Variants in LDLRAD4 observed in about 807,000 individuals in gnomAD.
LDLRAD4 encodes the protein low-density lipoprotein receptor class A domain-containing protein 4.
A neutral mutation model predicts 17.0 loss-of-function variants in LDLRAD4; 5 were observed. The observed-to-expected ratio is 0.29, with a 90% CI of 0.15 to 0.62. The LOEUF (loss-of-function observed/expected upper bound fraction) is 0.62. LDLRAD4 is among the 20% of genes least tolerant of loss of function. The pLI is 0.84. For missense variants in LDLRAD4, 340 were observed against 424.7 expected, an observed-to-expected ratio of 0.80 and a Z score of 1.75; for synonymous variants, 168 against 171.8, an observed-to-expected ratio of 0.98 and a Z score of 0.17.
At chr18:13,248,257 G>A (rs534733606) in intron 1 of LDLRAD4, among the ~76,000 whole-genome samples, 3 of 152,340 alleles carry the variant, frequency 2.0e-5, no homozygotes, top group East Asian at 1.9e-4. Context: ...CACCGCGCCC[G>A]GCCATAGCCC....
At chr18:13,471,463 G>A (rs2146760582) in intron 3 of LDLRAD4, 1 of 152,424 alleles carries the variant, frequency 6.6e-6, no homozygotes, top group East Asian at 1.9e-4. Context: ...GGAAGAAAAG[G>A]CCCAGGCACT....
intron 1 of LDLRAD4, among the ~76,000 whole-genome samples, chr18:13,258,960 C>T (rs530369640): frequency 1.1e-4 from 17 of 152,166 alleles, no homozygotes; most frequent in Non-Finnish European, 2.1e-4. Flanking sequence ...CAACTTCCGA[C>T]CAGCATGATG....
At chr18:13,550,106 G>C (rs1411255557) in intron 3 of LDLRAD4, among the ~76,000 whole-genome samples, 8 of 152,204 alleles carry the variant, frequency 5.3e-5, no homozygotes, top group African/African-American at 1.9e-4. Flanking sequence ...TCTACAAGGG[G>C]GCAATGGGCT....
intron 1 of LDLRAD4, among the ~76,000 whole-genome samples, chr18:13,306,370 G>C (rs988667179): frequency 6.6e-6 from 1 of 152,222 alleles, no homozygotes; most frequent in African/African-American, 2.4e-5. Context: ...TTTTGTCCCT[G>C]AAGTCAGGAA....
rs1209905344 is a variant in LDLRAD4, at chr18:13,621,112, G to A, written c.182-5G>A. On this transcript the variant is annotated splice_region_variant and splice_polypyrimidine_tract_variant and intron_variant, in intron 3 of 5. Coordinates refer to ENST00000359446, the Ensembl canonical transcript of LDLRAD4. The surrounding 1 kb of genome is among the most constrained non-coding windows in gnomAD (Gnocchi z 5.5). Reference sequence around the variant, plus strand: ...GTGGCTAACCACTCTCCTCTTCCATGGCAGCGGAGCTGGAGTTCGCCCAAA... The same window carrying A: ...GTGGCTAACCACTCTCCTCTTCCATAGCAGCGGAGCTGGAGTTCGCCCAAA... 6.2e-7 allele frequency: 1 copy of A among 1,614,208 alleles called. No individual in the cohort carries two copies. Among genetic ancestry groups the A allele is most frequent in the Non-Finnish European group, 8.5e-7 (1 of 1,180,036 alleles).
chr18:13,348,777 G>A (rs567666518), intron 1 of LDLRAD4, among the ~76,000 whole-genome samples: 5 of 152,280 alleles, frequency 3.3e-5, no homozygotes, highest in Middle Eastern at 3.4e-3. Flanking sequence ...AATGGCGGGC[G>A]CCCCTCCCCT....
chr18:13,635,749 A>G (rs2042019512), intron 4 of LDLRAD4, among the ~76,000 whole-genome samples: 1 of 152,248 alleles, frequency 6.6e-6, no homozygotes, highest in South Asian at 2.1e-4. Flanking sequence ...AGATATAGGA[A>G]TAATAAGTCT....
intron 2 of LDLRAD4, among the ~76,000 whole-genome samples, chr18:13,411,306 A>C (rs1023037426): frequency 5.3e-5 from 8 of 150,996 alleles, no homozygotes; most frequent in African/African-American, 1.9e-4. Flanking sequence ...TAAGAGCAAA[A>C]TCATCTTTTG....
chr18:13,450,110 A>G (rs545128581), intron 3 of LDLRAD4, among the ~76,000 whole-genome samples: 1 of 152,290 alleles, frequency 6.6e-6, no homozygotes, highest in East Asian at 1.9e-4. Flanking sequence ...GGTTGGCATG[A>G]ACCCAGAATT....
At chr18:13,348,924 C>A (rs147146834) in intron 1 of LDLRAD4, among the ~76,000 whole-genome samples, 2 of 152,184 alleles carry the variant, frequency 1.3e-5, no homozygotes, top group Non-Finnish European at 2.9e-5. Flanking sequence ...ATTGGAAAAG[C>A]GCAGCATTAG....
intron 1 of LDLRAD4, among the ~76,000 whole-genome samples, chr18:13,369,941 C>T (rs7230215): frequency 0.36 from 55,475 of 152,068 alleles, 10,071 homozygotes; most frequent in South Asian, 0.46. Context: ...CACCCAGGAG[C>T]GAGCCGTGGC....
At chr18:13,437,028 C>T (rs12232685) in intron 2 of LDLRAD4, among the ~76,000 whole-genome samples, 7,474 of 152,338 alleles carry the variant, frequency 0.049, 482 homozygotes, top group East Asian at 0.23. Context: ...GGCCACAGTT[C>T]GCCGCTGAGA....
intron 3 of LDLRAD4, among the ~76,000 whole-genome samples, chr18:13,552,161 G>A (rs900024709): frequency 2.0e-5 from 3 of 152,174 alleles, no homozygotes; most frequent in African/African-American, 7.2e-5. Context: ...TATCAGTAGT[G>A]TGAACAATGT....
At chr18:13,315,080 C>T (rs1430238185) in intron 1 of LDLRAD4, among the ~76,000 whole-genome samples, 1 of 152,112 alleles carries the variant, frequency 6.6e-6, no homozygotes, top group Non-Finnish European at 1.5e-5. Context: ...GGAGGAGGAG[C>T]CCTGGAAAGC....
intron 3 of LDLRAD4, among the ~76,000 whole-genome samples, chr18:13,442,607 G>T (rs1471571734): frequency 6.6e-6 from 1 of 152,224 alleles, no homozygotes; most frequent in Non-Finnish European, 1.5e-5. Flanking sequence ...CCACCTGCTG[G>T]CCGGCCGGCT....
At chr18:13,390,874 T>A (rs1568089391) in intron 2 of LDLRAD4, among the ~76,000 whole-genome samples, 2 of 152,160 alleles carry the variant, frequency 1.3e-5, no homozygotes. Flanking sequence ...TGGAGCTGGG[T>A]CCCTGGAGAC....
intron 3 of LDLRAD4, among the ~76,000 whole-genome samples, chr18:13,567,183 C>T (rs1017962854): frequency 6.6e-5 from 10 of 152,218 alleles, no homozygotes; most frequent in African/African-American, 2.4e-4. Context: ...ACTAGTTTAA[C>T]TATGACGTGC....
chr18:13,641,302 TAGAGAG>T (rs550262493), intron 4 of LDLRAD4, among the ~76,000 whole-genome samples: 4 of 151,212 alleles, frequency 2.6e-5, no homozygotes, highest in African/African-American at 9.7e-5. Context: ...GATAGGTAAA[TAGAGAG>T]AGAGAGAGAT....
At chr18:13,629,329 G>A (rs1030167945) in intron 4 of LDLRAD4, among the ~76,000 whole-genome samples, 2 of 152,140 alleles carry the variant, frequency 1.3e-5, no homozygotes, top group African/African-American at 4.8e-5. Flanking sequence ...ATACAATTTT[G>A]GTGCAAAGGC....
Sources: gnomAD v4.1 joint callset for allele counts (sites outside exome capture counted in the v4.1 genomes callset) on GRCh38, gnomAD v4.1.1 for gene constraint, Gnocchi (gnomAD v3.1) non-coding constraint, MANE v1.5 for transcripts, NCBI Gene and HGNC (gene_info 2026-07-23, HGNC 2026-07-21) for gene names.